The following ARMH4 variants were observed in gnomAD, a reference collection of about 807,000 sequenced individuals.
ARMH4 encodes the protein armadillo-like helical domain-containing protein 4.
Under a neutral mutation model 61.9 loss-of-function variants are expected in ARMH4, and 49 were observed. The observed-to-expected ratio is 0.79, with a 90% confidence interval of 0.63 to 1.00. The LOEUF (loss-of-function observed/expected upper bound fraction) is 1.00. ARMH4 is among the 50% of genes least tolerant of loss of function. ARMH4 has a pLI of 0.00. For missense variants in ARMH4, 934 were observed against 930.0 expected (o/e 1.00, Z -0.06); for synonymous variants, 368 against 341.5 (o/e 1.08, Z -0.85).
chr14:58,141,439 C>T, intron 1 of ARMH4: 1 of 540,204 alleles, frequency 1.9e-6, no homozygotes. Context: ...GGAGGATGGC[C>T]ACACTCTCTC....
intron 5 of ARMH4, among the ~76,000 whole-genome samples, chr14:58,018,072 C>T (rs60381570): frequency 0.24 from 36,539 of 151,968 alleles, 4,858 homozygotes; most frequent in East Asian, 0.56. Context: ...GATATCCACA[C>T]GCAAAAGAAT....
chr14:58,141,424 C>T (rs1311562086), intron 1 of ARMH4: 11 of 537,656 alleles, frequency 2.0e-5, no homozygotes, highest in South Asian at 4.3e-5. Context: ...TGCTGGGAAA[C>T]GGCTGGAGGA....
chr14:58,148,432 C>A (rs995153022), intron 1 of ARMH4, among the ~76,000 whole-genome samples: 5 of 152,200 alleles, frequency 3.3e-5, no homozygotes, highest in African/African-American at 1.2e-4. Flanking sequence ...GGTCACATCC[C>A]ATTCTGGCCC....
chr14:58,028,388 T>A (rs1395732734), intron 5 of ARMH4, among the ~76,000 whole-genome samples: 1 of 152,210 alleles, frequency 6.6e-6, no homozygotes, highest in Admixed American at 6.5e-5. Flanking sequence ...TGCACATTAA[T>A]CTCTGAGTTG....
rs530129666 is a variant in ARMH4 at position 58,140,188 on chromosome 14, T to C, written c.-56-774A>G. On this transcript the variant is annotated intron_variant, in intron 1 of 7. Coordinates refer to ENST00000267485, the MANE Select transcript of ARMH4 (RefSeq NM_001001872.4). ...TACTCAGGAGACTGAGGCGAGAGAA[T>C]CGCTTGAACCCGGAAGGCAGAGGAT... Among the ~76,000 whole-genome samples the C allele has an allele frequency of 6.0e-4, 90 of 149,842 alleles. No homozygotes were observed. In the South Asian group the frequency reaches 0.017, roughly 28 times the overall value.
chr14:58,147,859 C>T (rs943597648), intron 1 of ARMH4, among the ~76,000 whole-genome samples: 5 of 152,124 alleles, frequency 3.3e-5, no homozygotes, highest in Admixed American at 1.3e-4. Flanking sequence ...CAGAATTCAA[C>T]GTCCCTACCT....
Position 58,096,723 on chromosome 14 carries a change from C to T in ARMH4, c.2089+1G>A, listed in dbSNP as rs1368354477. On this transcript the variant is annotated splice_donor_variant, in intron 5 of 7. Coordinates refer to ENST00000267485, the MANE Select transcript of ARMH4 (RefSeq NM_001001872.4). LOFTEE classifies it high-confidence loss of function. ...AAAAGGGAAATACACATGACTCTTA[C>T]CCAGGCCTTGATTCTGCTGTTCCCA... The T allele has an allele frequency of 5.0e-6, 8 of 1,613,486 alleles. No individual in the cohort carries two copies. Among genetic ancestry groups the T allele is most frequent in the Non-Finnish European group, 6.8e-6 (8 of 1,179,672 alleles).
intron 5 of ARMH4, among the ~76,000 whole-genome samples, chr14:58,069,371 A>C (rs1161576669): frequency 6.6e-6 from 1 of 152,230 alleles, no homozygotes; most frequent in Non-Finnish European, 1.5e-5. Context: ...TCTGCCTTCA[A>C]GTAGCTCACA....
chr14:58,067,045 G>A (rs1233186401), intron 5 of ARMH4, among the ~76,000 whole-genome samples: 1 of 152,156 alleles, frequency 6.6e-6, no homozygotes, highest in Admixed American at 6.6e-5. Flanking sequence ...AAGAGAATAG[G>A]CCATTTGTTT....
chr14:58,072,066 C>G (rs1413412862), intron 5 of ARMH4, among the ~76,000 whole-genome samples: 13 of 152,148 alleles, frequency 8.5e-5, no homozygotes, highest in African/African-American at 2.9e-4. Context: ...ACTAATCTTG[C>G]TGTACTATAA....
intron 6 of ARMH4, among the ~76,000 whole-genome samples, chr14:58,006,869 C>T (rs1192857697): frequency 6.6e-6 from 1 of 152,000 alleles, no homozygotes; most frequent in Non-Finnish European, 1.5e-5. Context: ...TGTAACAAAC[C>T]TGCACGTTGT....
At chr14:58,024,569 A>G (rs1057177020) in intron 5 of ARMH4, among the ~76,000 whole-genome samples, 3 of 152,182 alleles carry the variant, frequency 2.0e-5, no homozygotes, top group Non-Finnish European at 4.4e-5. Flanking sequence ...CTAGAGTAGC[A>G]TTATTAATTT....
intron 5 of ARMH4, among the ~76,000 whole-genome samples, chr14:58,041,627 C>G (rs1009696842): frequency 6.6e-6 from 1 of 152,072 alleles, no homozygotes; most frequent in Non-Finnish European, 1.5e-5. Context: ...GCTAAATGCT[C>G]CAATTAAAAG....
At position 58,096,978 on chromosome 14, in the gene ARMH4, C is replaced by T. The variant is rs1279497099; in HGVS notation, c.1835G>A (p.Gly612Glu). The change falls in exon 5 of 8, where the codon GGA becomes GAA. Residue 612 changes from glycine to glutamate, a missense_variant. Physicochemically the swap from Gly to Glu is moderately conservative, Grantham distance 98. Coordinates refer to ENST00000267485, the MANE Select transcript of ARMH4 (RefSeq NM_001001872.4). ...ATCCTCTTCATCCTCATCTTCTTGT[C>T]CCTCTAGGCAAAAAGAAATCAAAGG... ...YGLDQLESEEGQEDEDEEDEE... is the reference protein window; with the variant it reads ...YGLDQLESEEEQEDEDEEDEE... The T allele has an allele frequency of 6.2e-7, 1 of 1,612,916 alleles. No homozygotes were observed. The highest frequency in any genetic ancestry group is 8.5e-7 in the Non-Finnish European group (1 of 1,179,172).
chr14:58,129,212 C>T (rs1367440002), intron 4 of ARMH4, among the ~76,000 whole-genome samples: 1 of 152,198 alleles, frequency 6.6e-6, no homozygotes, highest in African/African-American at 2.4e-5. Flanking sequence ...GGGAAGAAGA[C>T]AGGGTGCAAG....
intron 4 of ARMH4, among the ~76,000 whole-genome samples, chr14:58,108,447 T>C (rs1886240201): frequency 6.6e-6 from 1 of 152,232 alleles, no homozygotes; most frequent in Non-Finnish European, 1.5e-5. Context: ...ATCTGCATAT[T>C]CTTCTTAACA....
At chr14:58,137,946 T>C in intron 2 of ARMH4, 44 bp downstream of exon 2, 1 of 1,553,500 alleles carries the variant, frequency 6.4e-7, no homozygotes, top group Non-Finnish European at 8.7e-7. Flanking sequence ...AATTGAAAGT[T>C]TCCAAATTAA....
intron 3 of ARMH4, among the ~76,000 whole-genome samples, chr14:58,132,538 G>GT (rs1408505869): frequency 2.0e-5 from 3 of 148,202 alleles, no homozygotes; most frequent in Non-Finnish European, 4.5e-5. Flanking sequence ...GGACCCAGAG[G>GT]TGAGCCACCA....
chr14:58,110,709 A>G (rs1275693678), intron 4 of ARMH4, among the ~76,000 whole-genome samples: 1 of 152,022 alleles, frequency 6.6e-6, no homozygotes, highest in Non-Finnish European at 1.5e-5. Flanking sequence ...TCAATTCTTT[A>G]AAATTTGTTG....
Sources: gnomAD v4.1 joint callset for allele counts (sites outside exome capture counted in the v4.1 genomes callset) on GRCh38, gnomAD v4.1.1 for gene constraint, MANE v1.5 for transcripts, NCBI Gene and HGNC (gene_info 2026-07-23, HGNC 2026-07-21) for gene names.